Variants in GFRA1 observed in about 807,000 individuals in gnomAD.
The protein encoded by GFRA1 is GDNF family receptor alpha 1.
GFRA1 carries 16 observed loss-of-function variants against 51.6 expected under a neutral mutation model. The observed-to-expected ratio is 0.31, with a 90% CI of 0.21 to 0.47. The LOEUF is 0.47. Ranked by LOEUF, GFRA1 falls within the 20% of genes least tolerant of loss-of-function variation. GFRA1 has a pLI of 1.00. For synonymous variants in GFRA1, 270 were observed against 241.3 expected (o/e 1.12, Z -1.10); for missense variants, 530 against 594.3 (o/e 0.89, Z 1.13).
At chr10:116,148,056 A>ATGTGTGCATGTGCG (rs1555158853) in intron 5 of GFRA1, among the ~76,000 whole-genome samples, 3 of 136,536 alleles carry the variant, frequency 2.2e-5, no homozygotes, top group Non-Finnish European at 4.6e-5. Flanking sequence ...GTGTGCATGC[A>ATGTGTGCATGTGCG]TGTGTGCATG....
intron 4 of GFRA1, among the ~76,000 whole-genome samples, chr10:116,265,680 C>A (rs926942641): frequency 6.6e-6 from 1 of 152,180 alleles, no homozygotes; most frequent in African/African-American, 2.4e-5. Flanking sequence ...CTAAACAGTG[C>A]ATTGCGCACG....
At chr10:116,257,475 C>T (rs1398254892) in intron 4 of GFRA1, among the ~76,000 whole-genome samples, 1 of 152,144 alleles carries the variant, frequency 6.6e-6, no homozygotes, top group Non-Finnish European at 1.5e-5. Context: ...AAGGGAGGAG[C>T]TTGAACTTGA....
chr10:116,117,607 G>A (rs911039081), intron 6 of GFRA1, among the ~76,000 whole-genome samples: 4 of 151,932 alleles, frequency 2.6e-5, no homozygotes, highest in Admixed American at 2.6e-4. Flanking sequence ...ATGGGTGGAT[G>A]GGTGGATGGA....
intron 9 of GFRA1, among the ~76,000 whole-genome samples, chr10:116,076,322 T>C (rs1410870267): frequency 6.6e-6 from 1 of 152,044 alleles, no homozygotes; most frequent in Non-Finnish European, 1.5e-5. Context: ...GATATCCAAA[T>C]GGCAGGCACG....
Position 116,272,395 on chromosome 10 carries a change from A to AC in GFRA1, c.-246-121dup. On this transcript the variant is annotated intron_variant, in intron 1 of 10. Coordinates refer to ENST00000355422, the MANE Select transcript of GFRA1 (RefSeq NM_005264.8). This position sits in a 1 kb window ranked among gnomAD's most constrained non-coding sequence, Gnocchi z 4.4. ...ATTTCCAACACCGGGGTGAGGACCCACCCCCACCCAGGTCGGGGTGCATGT... is the reference window on the plus strand; with the variant it reads ...ATTTCCAACACCGGGGTGAGGACCCACCCCCCACCCAGGTCGGGGTGCATGT... 1 of 363,404 alleles carries AC rather than the reference A, an allele frequency of 2.8e-6. No individual in the cohort carries two copies. Among genetic ancestry groups the AC allele is most frequent in the South Asian group, 3.0e-5 (1 of 33,386 alleles). The allele number at this position is 363,404 out of a possible 1,614,324, so 22.5% of individuals were successfully genotyped here.
intron 5 of GFRA1, among the ~76,000 whole-genome samples, chr10:116,153,365 G>T (rs1366441476): frequency 6.6e-6 from 1 of 152,168 alleles, no homozygotes; most frequent in African/African-American, 2.4e-5. Context: ...GAGTAGGTTT[G>T]TGCACGTGAG....
intron 6 of GFRA1, among the ~76,000 whole-genome samples, chr10:116,123,619 G>A (rs190139401): frequency 1.3e-5 from 2 of 152,246 alleles, no homozygotes; most frequent in East Asian, 1.9e-4. Context: ...TTTTAGAAAC[G>A]GGGAACCAAT....
intron 4 of GFRA1, among the ~76,000 whole-genome samples, chr10:116,260,632 A>G (rs1160119974): frequency 1.3e-5 from 2 of 152,236 alleles, no homozygotes; most frequent in African/African-American, 4.8e-5. Flanking sequence ...CTGGATATGA[A>G]AAGAAAATGG....
Position 116,157,006 on chromosome 10 carries a change from T to C in GFRA1, c.434-31449A>G, listed in dbSNP as rs889692772. Among the ~76,000 whole-genome samples the C allele has an allele frequency of 7.2e-5, 11 of 152,230 alleles. No individual in the cohort carries two copies. In the South Asian group the frequency reaches 2.3e-3, roughly 32 times the overall value. On this transcript the variant is annotated intron_variant, in intron 5 of 10. Transcript: ENST00000355422. ...CCTTTGCAGAGTCTAGCAACAGAGC[T>C]GTCTTCAAATGATCAGACAACAATG...
At chr10:116,147,682 G>A (rs913243295) in intron 5 of GFRA1, among the ~76,000 whole-genome samples, 5 of 152,138 alleles carry the variant, frequency 3.3e-5, no homozygotes, top group African/African-American at 1.2e-4. Context: ...CAGCAACCAA[G>A]AGAAAATTTC....
chr10:116,224,135 G>C (rs1160871905), intron 4 of GFRA1, among the ~76,000 whole-genome samples: 1 of 152,046 alleles, frequency 6.6e-6, no homozygotes, highest in Non-Finnish European at 1.5e-5. Flanking sequence ...CCCAGCCTTG[G>C]GTATTTTGTT....
intron 9 of GFRA1, among the ~76,000 whole-genome samples, chr10:116,081,455 G>A (rs1955847035): frequency 1.3e-5 from 2 of 152,192 alleles, no homozygotes; most frequent in Admixed American, 1.3e-4. Flanking sequence ...ACCCAGAAAC[G>A]CAATGTTTAA....
intron 5 of GFRA1, among the ~76,000 whole-genome samples, chr10:116,211,410 C>G (rs935305471): frequency 6.6e-5 from 10 of 152,192 alleles, no homozygotes; most frequent in African/African-American, 2.4e-4. Flanking sequence ...CAGTCTACAT[C>G]CTACCCCCAA....
rs576666244 is a variant in GFRA1 at position 116,178,669 on chromosome 10, C to T, written c.433+32962G>A. On this transcript the variant is annotated intron_variant, in intron 5 of 10. Transcript: ENST00000355422. Reference sequence around the variant, plus strand: ...ACTCTGATCTGACTGGGGTCACCCACGGTGTGTGTCTTCGCCAGCATCGGC... The same window carrying T: ...ACTCTGATCTGACTGGGGTCACCCATGGTGTGTGTCTTCGCCAGCATCGGC... Among the ~76,000 whole-genome samples the T allele has an allele frequency of 1.2e-3, 188 of 152,334 alleles. 2 individuals carry two copies. In the South Asian group the frequency reaches 0.013, roughly 10 times the overall value.
intron 5 of GFRA1, among the ~76,000 whole-genome samples, chr10:116,144,269 A>C (rs1332184210): frequency 6.7e-6 from 1 of 149,990 alleles, no homozygotes; most frequent in Non-Finnish European, 1.5e-5. Flanking sequence ...AGTTATAACA[A>C]GTATGTTTCA....
chr10:116,222,706 A>G (rs1250493265), intron 4 of GFRA1, among the ~76,000 whole-genome samples: 8 of 152,176 alleles, frequency 5.3e-5, no homozygotes, highest in African/African-American at 1.9e-4. Flanking sequence ...ATTTATAAGA[A>G]ATCAAGTTGC....
chr10:116,185,988 T>C (rs911655455), intron 5 of GFRA1, among the ~76,000 whole-genome samples: 2 of 152,186 alleles, frequency 1.3e-5, no homozygotes, highest in African/African-American at 4.8e-5. Flanking sequence ...ATCTTTTAAA[T>C]TTTATTTTAC....
chr10:116,166,271 G>T (rs148506481), intron 5 of GFRA1, among the ~76,000 whole-genome samples: 2,258 of 152,282 alleles, frequency 0.015, 21 homozygotes, highest in Middle Eastern at 0.054. Context: ...ACATGCATGT[G>T]TCTTTATGGG....
chr10:116,167,509 G>A (rs888193869), intron 5 of GFRA1, among the ~76,000 whole-genome samples: 2 of 152,048 alleles, frequency 1.3e-5, no homozygotes, highest in Non-Finnish European at 2.9e-5. Context: ...TGGGCCCAAT[G>A]CCTGGCATGT....
Sources: gnomAD v4.1 joint callset for allele counts (sites outside exome capture counted in the v4.1 genomes callset) on GRCh38, gnomAD v4.1.1 for gene constraint, Gnocchi (gnomAD v3.1) non-coding constraint, MANE v1.5 for transcripts, NCBI Gene and HGNC (gene_info 2026-07-23, HGNC 2026-07-21) for gene names.